Variants in ACADS observed in about 807,000 individuals in gnomAD.
ACADS encodes acyl-CoA dehydrogenase short chain.
In ACADS, 28 loss-of-function variants were observed where a neutral mutation model predicts 46.8. The ratio of observed to expected loss-of-function variants is 0.60; its 90% CI spans 0.44 to 0.82. The LOEUF (loss-of-function observed/expected upper bound fraction) is 0.82. Ranked by LOEUF, ACADS falls within the 40% of genes least tolerant of loss-of-function variation. The probability of loss-of-function intolerance (pLI) is 0.00; values close to 1 mark genes in which losing one functional copy is unlikely to be tolerated. For synonymous variants in ACADS, 236 were observed against 237.7 expected (o/e 0.99, Z 0.07); for missense variants, 528 against 578.0 (o/e 0.91, Z 0.89).
chr12:120,735,404 T>TGTTCAACA (rs1432982064), intron 2 of ACADS, among the ~76,000 whole-genome samples: 3 of 145,182 alleles, frequency 2.1e-5, no homozygotes, highest in Non-Finnish European at 3.0e-5. Context: ...TGATAGATGC[T>TGTTCAACA]GTTCAACAGT....
chr12:120,736,018 TGTCCCC>T lies in ACADS; in HGVS notation c.211-962_211-957del, dbSNP rs761854740. On this transcript the variant is annotated intron_variant, in intron 2 of 9. Transcript: ENST00000242592. ...CCATCCCTGTCCCCGTCCCTGTCCCTGTCCCCGTCCCTGTCCCTGTCCCTGCTCTCC... is the reference window on the plus strand; with the variant it reads ...CCATCCCTGTCCCCGTCCCTGTCCCTGTCCCTGTCCCTGTCCCTGCTCTCC... Among the ~76,000 whole-genome samples, 10 of 148,252 alleles carry T rather than the reference TGTCCCC, an allele frequency of 6.7e-5. No individual in the cohort carries two copies. The East Asian group carries it at 7.7e-4, about 11-fold the overall frequency.
rs755422814 is a variant in ACADS, at chr12:120,737,343, G to A, written c.361-13G>A. 1.2e-5 allele frequency: 19 copies of A among 1,612,224 alleles called. No individual in the cohort carries two copies. The highest frequency in any genetic ancestry group is 8.3e-5 in the Admixed American group (5 of 59,948). On this transcript the variant is annotated splice_polypyrimidine_tract_variant and intron_variant, in intron 3 of 9. Transcript: ENST00000242592. The stretch of plus-strand genomic sequence containing the variant: ...GGCCTGGGGCCTCCGACCGCTCCCC[G>A]CTGTCCTCCTAGTCTCTCTACCTGG...
chr12:120,736,660 G>C (rs879552215), intron 2 of ACADS, among the ~76,000 whole-genome samples: 1 of 152,188 alleles, frequency 6.6e-6, no homozygotes, highest in African/African-American at 2.4e-5. Flanking sequence ...ACGAAGGTCA[G>C]TGTGGCTCAC....
At chr12:120,726,436 A>C (rs1210866892) in intron 1 of ACADS, among the ~76,000 whole-genome samples, 3 of 152,220 alleles carry the variant, frequency 2.0e-5, no homozygotes, top group African/African-American at 7.2e-5. Context: ...TGGTTAATAC[A>C]GTACCTTTCC....
At chr12:120,735,348 TAAA>T (rs756263687) in intron 2 of ACADS, among the ~76,000 whole-genome samples, 24 of 72,268 alleles carry the variant, frequency 3.3e-4, no homozygotes, top group African/African-American at 1.2e-3. Context: ...GCGCAGTCCT[TAAA>T]AAAAAAAAAA....
rs371934737 is a variant in ACADS, at chr12:120,739,326, G to A, written c.1117G>A (p.Val373Met). The change falls in exon 10 of 10, where the codon GTG becomes ATG. Residue 373 changes from valine to methionine, a missense_variant. Coordinates refer to ENST00000242592, the MANE Select transcript of ACADS (RefSeq NM_000017.4). Reference protein sequence around the residue: ...AIQILGGMGYVTEMPAERHYR... With the variant: ...AIQILGGMGYMTEMPAERHYR... ...CCAGATCCTGGGCGGCATGGGCTAC[G>A]TGACAGAGATGCCGGCAGAGCGGCA... 1.6e-5 allele frequency: 26 copies of A among 1,612,932 alleles called. No homozygotes were observed. Among genetic ancestry groups the A allele is most frequent in the South Asian group, 3.3e-5 (3 of 91,084 alleles).
chr12:120,733,192 G>C (rs888191359), intron 2 of ACADS, among the ~76,000 whole-genome samples: 4 of 152,108 alleles, frequency 2.6e-5, no homozygotes, highest in African/African-American at 7.2e-5. Context: ...GCTTCGGCTC[G>C]GCATCAGAGG....
In ACADS at chr12:120,738,217, T is replaced by C. The variant is rs879218395; in HGVS notation, c.625-63T>C. The C allele has an allele frequency of 3.7e-6, 6 of 1,611,858 alleles. No homozygotes were observed. In the Admixed American group the frequency reaches 1.0e-4, roughly 27 times the overall value. On this transcript the variant is annotated intron_variant, in intron 5 of 9. Transcript: ENST00000242592. Reference sequence around the variant, plus strand: ...GGGAGGGGACCGGGTTGGTGTTGGGTGTGCTGGTGTGAGGGTGTGGCTGAG... The same window carrying C: ...GGGAGGGGACCGGGTTGGTGTTGGGCGTGCTGGTGTGAGGGTGTGGCTGAG...
rs367806778 is a variant in ACADS at position 120,728,632 on chromosome 12, G to A, written c.210+1443G>A. On this transcript the variant is annotated intron_variant, in intron 2 of 9. Coordinates refer to ENST00000242592, the MANE Select transcript of ACADS (RefSeq NM_000017.4). The surrounding 1 kb of genome is among the most constrained non-coding windows in gnomAD (Gnocchi z 4.0). ...CAATTGTTTCCTGCCTCAGCCTCCC[G>A]AGTAGCTGGGATTACAGGCGCACAC... is the stretch of plus-strand genomic sequence containing the variant. 6.6e-6 allele frequency among the ~76,000 whole-genome samples: 1 copy of A among 150,820 alleles called. No homozygotes were observed. Among genetic ancestry groups the A allele is most frequent in the Non-Finnish European group, 1.5e-5 (1 of 67,732 alleles).
chr12:120,729,401 G>A (rs1009276899), intron 2 of ACADS, among the ~76,000 whole-genome samples: 3 of 151,862 alleles, frequency 2.0e-5, no homozygotes, highest in South Asian at 2.1e-4. Flanking sequence ...GGTACTACAG[G>A]TGCCCGCCAC....
chr12:120,731,358 C>G (rs1413733524), intron 2 of ACADS, among the ~76,000 whole-genome samples: 1 of 152,044 alleles, frequency 6.6e-6, no homozygotes, highest in African/African-American at 2.4e-5. Flanking sequence ...TCAAGTGATT[C>G]TCCTGCCTCA....
At chr12:120,736,499 C>T (rs999716011) in intron 2 of ACADS, among the ~76,000 whole-genome samples, 8 of 152,162 alleles carry the variant, frequency 5.3e-5, no homozygotes, top group Non-Finnish European at 1.0e-4. Context: ...TTTGACTCAG[C>T]GAGGCTGGGG....
rs749107118 is a variant in ACADS at position 120,737,164 on chromosome 12, C to CA, written c.360+30dup. On this transcript the variant is annotated intron_variant, in intron 3 of 9. Transcript: ENST00000242592. The stretch of plus-strand genomic sequence containing the variant: ...AGCCCCCTCCCAGGCCCCTGGGACA[C>CA]ACGGGTGGAGGGAGGCTCCCGTGAG... The CA allele has an allele frequency of 1.9e-6, 3 of 1,561,626 alleles. No individual in the cohort carries two copies. The South Asian group carries it at 3.5e-5, about 18-fold the overall frequency.
At position 120,732,526 on chromosome 12, in the gene ACADS, C is replaced by T. The variant is rs185575970; in HGVS notation, c.211-4460C>T. Among the ~76,000 whole-genome samples, 1,412 of 148,728 alleles carry T rather than the reference C, an allele frequency of 9.5e-3. 28 individuals carry two copies. The highest frequency in any genetic ancestry group is 0.033 in the African/African-American group (1,343 of 40,146). On this transcript the variant is annotated intron_variant, in intron 2 of 9. Transcript: ENST00000242592. ...TTCTCGGGGCGGGCAGGCAGAGACA[C>T]TCCTCACCTCCCAGACGGGGTGGCG...
intron 2 of ACADS, among the ~76,000 whole-genome samples, chr12:120,729,814 G>A (rs1883198361): frequency 6.6e-6 from 1 of 152,148 alleles, no homozygotes; most frequent in Non-Finnish European, 1.5e-5. Flanking sequence ...TGATAAAATG[G>A]GGTGAGGTGA....
intron 2 of ACADS, among the ~76,000 whole-genome samples, chr12:120,732,956 C>G (rs1474081111): frequency 6.6e-6 from 1 of 152,256 alleles, no homozygotes; most frequent in Non-Finnish European, 1.5e-5. Context: ...GAACGAGACT[C>G]CGTCTGCAAT....
intron 2 of ACADS, among the ~76,000 whole-genome samples, chr12:120,733,236 G>GGGAGA (rs1566025519): frequency 8.6e-5 from 13 of 151,606 alleles, no homozygotes; most frequent in African/African-American, 3.2e-4. Context: ...GGGAGACCGG[G>GGGAGA]GGGAGAGGGA....
At chr12:120,725,989 G>T in intron 1 of ACADS, 58 bp downstream of exon 1, 2 of 1,473,548 alleles carry the variant, frequency 1.4e-6, no homozygotes, top group East Asian at 5.4e-5. Context: ...CCCAGCGGGC[G>T]GAGGTCCTGG....
chr12:120,733,632 C>T (rs1883342067), intron 2 of ACADS, among the ~76,000 whole-genome samples: 2 of 144,292 alleles, frequency 1.4e-5, no homozygotes, highest in African/African-American at 2.5e-5. Flanking sequence ...AGCAGGACCC[C>T]CCTCCCCAGG....
Sources: gnomAD v4.1 joint callset for allele counts (sites outside exome capture counted in the v4.1 genomes callset) on GRCh38, gnomAD v4.1.1 for gene constraint, Gnocchi (gnomAD v3.1) non-coding constraint, MANE v1.5 for transcripts, NCBI Gene and HGNC (gene_info 2026-07-23, HGNC 2026-07-21) for gene names.